GSDME: variants seen among roughly 807,000 people sequenced by gnomAD.
The protein encoded by GSDME is gasdermin E.
In GSDME, 44 loss-of-function variants were observed where a neutral mutation model predicts 47.5. The ratio of observed to expected loss-of-function variants is 0.93; its 90% CI spans 0.73 to 1.19. The LOEUF is 1.19. Ranked by LOEUF, GSDME falls within the 50% of genes most tolerant of loss-of-function variation. The probability of loss-of-function intolerance (pLI) is 0.00; values close to 1 mark genes in which losing one functional copy is unlikely to be tolerated. For missense variants in GSDME, 663 were observed against 604.2 expected, an observed-to-expected ratio of 1.10 and a Z score of -1.02; for synonymous variants, 258 against 252.8, an observed-to-expected ratio of 1.02 and a Z score of -0.20.
In GSDME at chr7:24,719,208, G is replaced by T; in HGVS notation, c.415C>A (p.Leu139Met). 6.2e-7 allele frequency: 1 copy of T among 1,611,652 alleles called. No individual in the cohort carries two copies. The highest frequency in any genetic ancestry group is 2.2e-5 in the East Asian group (1 of 44,886). Reference sequence around the variant, plus strand: ...ACCTGCTGGAGCACAGGGTTTCTCAGATTTATTGTTCTGAAAAAGAAAAAC... The same window carrying T: ...ACCTGCTGGAGCACAGGGTTTCTCATATTTATTGTTCTGAAAAAGAAAAAC... ...IRDSAERTIN[L>M]RNPVLQQVLE... is the part of the protein sequence containing the mutation. The change falls in exon 4 of 10, where the codon CTG becomes ATG. Residue 139 changes from leucine to methionine, a missense_variant. By Grantham distance (15) the Leu-to-Met change is conservative. Transcript: ENST00000645220.
At chr7:24,699,359 T>C in intron 9 of GSDME, 100 bp from the exon 10 acceptor site, 1 of 848,404 alleles carries the variant, frequency 1.2e-6, no homozygotes, top group East Asian at 2.6e-5. Flanking sequence ...AAAAAACTTT[T>C]TGAGATGGAG....
At chr7:24,722,742 A>C (rs928887978) in intron 3 of GSDME, among the ~76,000 whole-genome samples, 2 of 152,234 alleles carry the variant, frequency 1.3e-5, no homozygotes, top group African/African-American at 4.8e-5. Flanking sequence ...TCAAGACTCC[A>C]CTGCTTAAAA....
Position 24,733,753 on chromosome 7 carries a change from C to T in GSDME, c.404+10809G>A, listed in dbSNP as rs1790216302. On this transcript the variant is annotated intron_variant, in intron 3 of 9. Coordinates refer to ENST00000645220, the MANE Select transcript of GSDME (RefSeq NM_001127453.2). This position sits in a 1 kb window ranked among gnomAD's most constrained non-coding sequence, Gnocchi z 4.3. ...TCCTGTGATTTGAGTGCCAGTTGAG[C>T]CACAGTAGAGTAGAGCACCACATAG... Among the ~76,000 whole-genome samples the T allele has an allele frequency of 6.6e-6, 1 of 152,082 alleles. No homozygotes were observed. The highest frequency in any genetic ancestry group is 2.4e-5 in the African/African-American group (1 of 41,396).
upstream of GSDME, among the ~76,000 whole-genome samples, chr7:24,762,550 T>A (rs1219646851): frequency 2.6e-5 from 4 of 152,182 alleles, no homozygotes; most frequent in African/African-American, 9.6e-5. Context: ...AACATCTTTT[T>A]AACAAATATT....
chr7:24,698,833 C>T lies in GSDME; in HGVS notation c.*193G>A, dbSNP rs1788740628. On this transcript the variant is annotated 3_prime_UTR_variant, in exon 10 of 10. Coordinates refer to ENST00000645220, the MANE Select transcript of GSDME (RefSeq NM_001127453.2). ...ATGCTGGGTCACCAGCACAGGAGGG[C>T]CTCTGATAAGGAAAACTGTTTAAAG... 4.8e-6 allele frequency: 3 copies of T among 619,372 alleles called. No homozygotes were observed. The highest frequency in any genetic ancestry group is 8.8e-6 in the Non-Finnish European group (3 of 342,012). 38.4% of individuals were successfully genotyped at this position (619,372 alleles called of 1,614,324 possible).
the GSDME span, among the ~76,000 whole-genome samples, chr7:24,795,331 CA>C: frequency 5.3e-5 from 8 of 152,186 alleles, no homozygotes; most frequent in African/African-American, 1.9e-4. Context: ...ACCTCGCTTC[CA>C]GGTCAGGGAA....
chr7:24,706,363 AC>A lies in GSDME; in HGVS notation c.1003del (p.Val335SerfsTer14), dbSNP rs1367322639. On this transcript the variant is annotated frameshift_variant, in exon 8 of 10. Coordinates refer to ENST00000645220, the MANE Select transcript of GSDME (RefSeq NM_001127453.2). LOFTEE classifies it high-confidence loss of function. ...MVLEPVCDDLVSGLSPTVAVL... is the reference protein window; with the variant it reads ...MVLEPVCDDLXSGLSPTVAVL... The stretch of plus-strand genomic sequence containing the variant: ...CGCCACTGTGGGCGAGAGGCCGCTG[AC>A]CAGGTCATCGCACTGTAGGGCAGGG... 6.2e-7 allele frequency: 1 copy of A among 1,612,774 alleles called. No individual in the cohort carries two copies. The highest frequency in any genetic ancestry group is 8.5e-7 in the Non-Finnish European group (1 of 1,179,964).
the GSDME span, among the ~76,000 whole-genome samples, chr7:24,765,241 C>T: frequency 6.6e-6 from 1 of 152,320 alleles, no homozygotes; most frequent in East Asian, 1.9e-4. Flanking sequence ...GTGCAATAAA[C>T]AATCCCATTA....
In GSDME at chr7:24,729,442, G is replaced by A. The variant is rs568293781; in HGVS notation, c.405-10224C>T. Among the ~76,000 whole-genome samples the A allele has an allele frequency of 7.2e-5, 11 of 152,392 alleles. No homozygotes were observed. In the East Asian group the frequency reaches 2.1e-3, roughly 29 times the overall value. ...CAGACCCCACAACAAAGGAGGCAGG[G>A]CGTTCCAGGAGGGAAACGGACACAG... On this transcript the variant is annotated intron_variant, in intron 3 of 9. Coordinates refer to ENST00000645220, the MANE Select transcript of GSDME (RefSeq NM_001127453.2).
At chr7:24,738,887 A>G (rs938379717) in intron 3 of GSDME, among the ~76,000 whole-genome samples, 1 of 152,248 alleles carries the variant, frequency 6.6e-6, no homozygotes, top group Non-Finnish European at 1.5e-5. Context: ...TGGGGAAAGG[A>G]TAGCCTCTTC....
At chr7:24,743,426 GA>G (rs1288267385) in intron 3 of GSDME, among the ~76,000 whole-genome samples, 1 of 152,172 alleles carries the variant, frequency 6.6e-6, no homozygotes, top group East Asian at 1.9e-4. Flanking sequence ...TGTACAAACT[GA>G]AATATCATCC....
chr7:24,700,729 CTATTGAT>C (rs1788830693), intron 9 of GSDME, among the ~76,000 whole-genome samples: 1 of 152,198 alleles, frequency 6.6e-6, no homozygotes, highest in Non-Finnish European at 1.5e-5. Context: ...AGACTGCAAA[CTATTGAT>C]TGTGCTTTAG....
intron 9 of GSDME, among the ~76,000 whole-genome samples, chr7:24,699,960 G>A (rs1239715470): frequency 6.6e-6 from 1 of 152,158 alleles, no homozygotes; most frequent in Non-Finnish European, 1.5e-5. Flanking sequence ...CCTGCCTCAA[G>A]AACCTTTTCC....
intron 1 of GSDME, among the ~76,000 whole-genome samples, chr7:24,752,775 T>G (rs916991099): frequency 6.6e-6 from 1 of 152,252 alleles, no homozygotes; most frequent in Non-Finnish European, 1.5e-5. Flanking sequence ...TCCACTGTTA[T>G]GGCTTCTAAT....
Position 24,744,465 on chromosome 7 carries a change from A to G in GSDME, c.404+97T>C, listed in dbSNP as rs201500815. 3 of 1,283,616 alleles carry G rather than the reference A, an allele frequency of 2.3e-6. No individual in the cohort carries two copies. The East Asian group carries it at 6.9e-5, about 30-fold the overall frequency. 79.5% of individuals were successfully genotyped at this position (1,283,616 alleles called of 1,614,324 possible). ...ATTCAATACATGTTTATTGATCGGC[A>G]GAGATCAAATCTGTCGCCCTTTTAA... On this transcript the variant is annotated intron_variant, in intron 3 of 9. Transcript: ENST00000645220. The surrounding 1 kb of genome is among the most constrained non-coding windows in gnomAD (Gnocchi z 4.5).
At chr7:24,708,953 T>G (rs1186405311) in intron 6 of GSDME, among the ~76,000 whole-genome samples, 2 of 152,206 alleles carry the variant, frequency 1.3e-5, no homozygotes, top group African/African-American at 4.8e-5. Flanking sequence ...TTCTTGTAAA[T>G]TAAGTCTAGT....
At chr7:24,737,208 A>G (rs755301167) in intron 3 of GSDME, among the ~76,000 whole-genome samples, 1 of 152,064 alleles carries the variant, frequency 6.6e-6, no homozygotes, top group Non-Finnish European at 1.5e-5. Flanking sequence ...TTAATGAAAC[A>G]AAAGTTTGTT....
In GSDME at chr7:24,714,781, GGA is replaced by G. The variant is rs1789483844; in HGVS notation, c.697+2471_697+2472del. Among the ~76,000 whole-genome samples the G allele has an allele frequency of 6.6e-6, 1 of 152,164 alleles. No individual in the cohort carries two copies. Among genetic ancestry groups the G allele is most frequent in the African/African-American group, 2.4e-5 (1 of 41,438 alleles). On this transcript the variant is annotated intron_variant, in intron 5 of 9. Transcript: ENST00000645220. The surrounding 1 kb of genome is among the most constrained non-coding windows in gnomAD (Gnocchi z 5.0). ...CAGGGCAGGGTCTGGTCACCTCCTG[GGA>G]CAAACAGGAGGAAGCTCGCATGGGG...
At position 24,745,667 on chromosome 7, in the gene GSDME, G is replaced by A. The variant is rs773531627; in HGVS notation, c.212-913C>T. 1.1e-4 allele frequency among the ~76,000 whole-genome samples: 17 copies of A among 152,062 alleles called. No homozygotes were observed. Among genetic ancestry groups the A allele is most frequent in the Non-Finnish European group, 1.9e-4 (13 of 68,006 alleles). Reference sequence around the variant, plus strand: ...ATTTGTAATCCCAGCAATTTAGGAGGCTGAGGCAGGAGGATCCCTTGAGGT... The same window carrying A: ...ATTTGTAATCCCAGCAATTTAGGAGACTGAGGCAGGAGGATCCCTTGAGGT... On this transcript the variant is annotated intron_variant, in intron 2 of 9. Transcript: ENST00000645220. The surrounding 1 kb of genome is among the most constrained non-coding windows in gnomAD (Gnocchi z 4.4).
Sources: gnomAD v4.1 joint callset for allele counts (sites outside exome capture counted in the v4.1 genomes callset) on GRCh38, gnomAD v4.1.1 for gene constraint, Gnocchi (gnomAD v3.1) non-coding constraint, MANE v1.5 for transcripts, NCBI Gene and HGNC (gene_info 2026-07-23, HGNC 2026-07-21) for gene names.